Variants in ARHGAP18 observed in about 807,000 individuals in gnomAD.
ARHGAP18 encodes Rho GTPase activating protein 18.
ARHGAP18 carries 67 observed loss-of-function variants against 86.2 expected under a neutral mutation model. The observed-to-expected ratio is 0.78, with a 90% CI of 0.64 to 0.95. The LOEUF (loss-of-function observed/expected upper bound fraction) is 0.95, where lower values mean the gene tolerates loss of function less well. Among genes scored for constraint, ARHGAP18 ranks in the 40% least tolerant of loss-of-function variants. The probability of loss-of-function intolerance (pLI) is 0.00; values close to 1 mark genes in which losing one functional copy is unlikely to be tolerated. For synonymous variants in ARHGAP18, 283 were observed against 280.4 expected, an observed-to-expected ratio of 1.01 and a Z score of -0.09; for missense variants, 691 against 780.4, an observed-to-expected ratio of 0.89 and a Z score of 1.37.
At chr6:129,707,529 C>G (rs1175127573) in intron 1 of ARHGAP18, among the ~76,000 whole-genome samples, 1 of 152,058 alleles carries the variant, frequency 6.6e-6, no homozygotes, top group Non-Finnish European at 1.5e-5. Flanking sequence ...AGTGCAGTGG[C>G]GTGATCTCAG....
intron 1 of ARHGAP18, among the ~76,000 whole-genome samples, chr6:129,683,981 C>T (rs1048171899): frequency 2.0e-5 from 3 of 152,050 alleles, no homozygotes; most frequent in South Asian, 2.1e-4. Flanking sequence ...ACACTGACAG[C>T]GCGAGATGAT....
At chr6:129,600,544 T>G (rs991396631) in intron 11 of ARHGAP18, 98 bp downstream of exon 11, 16 of 973,010 alleles carry the variant, frequency 1.6e-5, no homozygotes, top group Admixed American at 2.6e-5. Context: ...TAATATTTTC[T>G]GCACTCACAA....
At position 129,674,396 on chromosome 6, in the gene ARHGAP18, AC is replaced by A. The variant is rs112916948; in HGVS notation, c.114-32379del. 7.2e-3 allele frequency among the ~76,000 whole-genome samples: 1,091 copies of A among 152,354 alleles called. 11 individuals are homozygous for A. Among genetic ancestry groups the A allele is most frequent in the African/African-American group, 0.025 (1,057 of 41,584 alleles). On this transcript the variant is annotated intron_variant, in intron 1 of 14. Transcript: ENST00000368149. Reference sequence around the variant, plus strand: ...TAAAATTCTATGGTTCTAGGACACTACAAAAAATGTACTGAATTATTTTTCT... The same window carrying A: ...TAAAATTCTATGGTTCTAGGACACTAAAAAAATGTACTGAATTATTTTTCT...
At chr6:129,637,285 G>A (rs1323978236) in intron 3 of ARHGAP18, among the ~76,000 whole-genome samples, 4 of 152,090 alleles carry the variant, frequency 2.6e-5, no homozygotes, top group Non-Finnish European at 4.4e-5. Context: ...GGCTGGTCTC[G>A]AACTCTCCAG....
chr6:129,668,374 A>ACACT (rs1294345323), intron 1 of ARHGAP18, among the ~76,000 whole-genome samples: 3 of 149,442 alleles, frequency 2.0e-5, no homozygotes, highest in South Asian at 2.1e-4. Context: ...ACACACACAC[A>ACACT]CACACACACA....
chr6:129,684,463 C>T (rs1403086911), intron 1 of ARHGAP18, among the ~76,000 whole-genome samples: 1 of 152,200 alleles, frequency 6.6e-6, no homozygotes, highest in Non-Finnish European at 1.5e-5. Context: ...TTTGCCTCCT[C>T]TTTTGTGCTG....
chr6:129,612,622 T>C (rs1026007297), intron 7 of ARHGAP18, among the ~76,000 whole-genome samples: 1 of 152,198 alleles, frequency 6.6e-6, no homozygotes, highest in African/African-American at 2.4e-5. Context: ...CTCTATAAAC[T>C]ACCTGGAGCT....
intron 1 of ARHGAP18, among the ~76,000 whole-genome samples, chr6:129,669,925 GAACA>G (rs1269482190): frequency 2.6e-5 from 4 of 152,114 alleles, no homozygotes; most frequent in Non-Finnish European, 5.9e-5. Context: ...TTTCTAGAGT[GAACA>G]AATATTATAA....
chr6:129,608,430 G>T (rs1197326177), intron 8 of ARHGAP18, among the ~76,000 whole-genome samples: 1 of 151,938 alleles, frequency 6.6e-6, no homozygotes. Flanking sequence ...CATTAAAAAA[G>T]AAGTATATGT....
rs1261445562 is a variant in ARHGAP18, at chr6:129,625,061, ATAT to A, written c.786+4289_786+4291del. On this transcript the variant is annotated intron_variant, in intron 5 of 14. Transcript: ENST00000368149. ...TTTATATAATATATATGATTGATAT[ATAT>A]TTATATATAATATATATGATATATG... 8.9e-4 allele frequency among the ~76,000 whole-genome samples: 97 copies of A among 108,948 alleles called. 3 individuals carry two copies. The highest frequency in any genetic ancestry group is 4.5e-3 in the Middle Eastern group (1 of 222). 71.5% of individuals were successfully genotyped at this position (108,948 alleles called of 152,430 possible). A position where few individuals can be genotyped will look rare whatever the true frequency, so the allele number is the denominator to read the frequency against.
intron 5 of ARHGAP18, among the ~76,000 whole-genome samples, chr6:129,625,711 A>C (rs1789419043): frequency 1.4e-5 from 1 of 70,090 alleles, no homozygotes. Context: ...TATATATTAT[A>C]TATTTATATA....
intron 13 of ARHGAP18, among the ~76,000 whole-genome samples, chr6:129,581,944 T>C (rs908982202): frequency 5.9e-5 from 9 of 152,178 alleles, no homozygotes; most frequent in African/African-American, 2.2e-4. Flanking sequence ...TAATAGATGC[T>C]ATTCTGGTCC....
In ARHGAP18 at chr6:129,629,377, G is replaced by T. The variant is rs778674654; in HGVS notation, c.762C>A (p.Ser254Arg). Residue 254 changes from serine (S) to arginine (R), a missense_variant, in exon 5 of 15, where the codon AGC becomes AGA. Ser to Arg is a moderately radical substitution (Grantham distance 110). Transcript: ENST00000368149. ...KESSKEKIQKSKGDDATLPSF... is the reference protein window; with the variant it reads ...KESSKEKIQKRKGDDATLPSF... ...CAGGTAATGTGGCATCATCGCCTTT[G>T]CTCTTCTGGATTTTCTCCTTGGAGC... 6.2e-7 allele frequency: 1 copy of T among 1,613,488 alleles called. No homozygotes were observed. Among genetic ancestry groups the T allele is most frequent in the Non-Finnish European group, 8.5e-7 (1 of 1,179,894 alleles).
intron 10 of ARHGAP18, among the ~76,000 whole-genome samples, chr6:129,605,572 A>G (rs57857548): frequency 1.3e-5 from 2 of 152,294 alleles, no homozygotes; most frequent in African/African-American, 2.4e-5. Context: ...AAAAAAAAGA[A>G]ATAAGAAGGA....
At chr6:129,677,181 A>G (rs1179494036) in intron 1 of ARHGAP18, among the ~76,000 whole-genome samples, 1 of 152,088 alleles carries the variant, frequency 6.6e-6, no homozygotes, top group Non-Finnish European at 1.5e-5. Context: ...TCACGAGGTC[A>G]GGAGGATCGA....
intron 1 of ARHGAP18, among the ~76,000 whole-genome samples, chr6:129,667,564 T>C (rs1774065637): frequency 5.3e-5 from 8 of 150,914 alleles, no homozygotes; most frequent in Admixed American, 5.3e-4. Flanking sequence ...CTAAAGAGAA[T>C]TCCTGCCGTG....
At chr6:129,640,470 T>C (rs529205941) in intron 2 of ARHGAP18, among the ~76,000 whole-genome samples, 4 of 152,206 alleles carry the variant, frequency 2.6e-5, no homozygotes, top group Non-Finnish European at 4.4e-5. Flanking sequence ...GGGTGAGAGA[T>C]ACTATTAATT....
chr6:129,658,236 C>T (rs975325076), intron 1 of ARHGAP18, among the ~76,000 whole-genome samples: 1 of 152,076 alleles, frequency 6.6e-6, no homozygotes, highest in African/African-American at 2.4e-5. Flanking sequence ...CCTATAAAGC[C>T]ATAATTTCAC....
At chr6:129,674,648 G>C (rs1476837440) in intron 1 of ARHGAP18, among the ~76,000 whole-genome samples, 2 of 152,186 alleles carry the variant, frequency 1.3e-5, no homozygotes, top group African/African-American at 4.8e-5. Flanking sequence ...AAATAATCTA[G>C]AGATGATCTA....
Sources: allele counts gnomAD v4.1 joint callset (sites outside exome capture counted in the v4.1 genomes callset), GRCh38; gene constraint gnomAD v4.1.1; transcripts MANE v1.5; gene names NCBI Gene and HGNC (gene_info 2026-07-23, HGNC 2026-07-21).